NREP: variants seen among roughly 807,000 people sequenced by gnomAD.
NREP encodes the protein neuronal regeneration related protein, also known as neuronal regeneration-related protein.
Under a neutral mutation model 8.6 loss-of-function variants are expected in NREP, and 5 were observed. The observed-to-expected ratio is 0.58, with a 90% CI of 0.30 to 1.22. The LOEUF is 1.22. NREP is among the 50% of genes most tolerant of loss of function. NREP has a pLI of 0.07. For missense variants in NREP, 86 were observed against 82.5 expected (o/e 1.04, Z -0.17); for synonymous variants, 27 against 28.0 (o/e 0.96, Z 0.11).
chr5:111,818,936 C>T (rs1752454281), intron 2 of NREP, among the ~76,000 whole-genome samples: 1 of 152,038 alleles, frequency 6.6e-6, no homozygotes, highest in African/African-American at 2.4e-5. Flanking sequence ...TAAAACAATA[C>T]CATTTATTAT....
chr5:111,834,305 A>C (rs1315997328), intron 2 of NREP, among the ~76,000 whole-genome samples: 1 of 152,238 alleles, frequency 6.6e-6, no homozygotes, highest in Non-Finnish European at 1.5e-5. Flanking sequence ...ACCCTATGGC[A>C]ACTAGGGAGA....
intron 1 of NREP, chr5:111,756,312 A>AAAAACC: frequency 1.0e-5 from 1 of 99,468 alleles, no homozygotes; most frequent in Non-Finnish European, 1.6e-5. Flanking sequence ...AAAAAAAAAA[A>AAAAACC]CCCTACACGG....
intron 2 of NREP, among the ~76,000 whole-genome samples, chr5:111,737,655 C>A (rs1420542398): frequency 6.6e-6 from 1 of 151,262 alleles, no homozygotes; most frequent in Non-Finnish European, 1.5e-5. Flanking sequence ...AAATAGCTTG[C>A]CTTTCAGAAA....
intron 2 of NREP, among the ~76,000 whole-genome samples, chr5:111,746,502 G>C (rs111505359): frequency 9.0e-4 from 137 of 152,230 alleles, no homozygotes; most frequent in African/African-American, 3.2e-3. Flanking sequence ...GACTAAAATT[G>C]TGAAGATAAG....
intron 2 of NREP, among the ~76,000 whole-genome samples, chr5:111,937,439 C>T (rs974472536): frequency 4.6e-5 from 7 of 152,004 alleles, no homozygotes; most frequent in African/African-American, 1.2e-4. Flanking sequence ...AGATTATTCC[C>T]GTTGTATTTT....
chr5:111,849,152 A>G (rs1753250646), intron 2 of NREP, among the ~76,000 whole-genome samples: 1 of 152,198 alleles, frequency 6.6e-6, no homozygotes, highest in Non-Finnish European at 1.5e-5. Context: ...ACACACAGAT[A>G]TGAACAAAAC....
At chr5:111,786,557 A>C (rs761101326) in intron 2 of NREP, among the ~76,000 whole-genome samples, 5 of 152,206 alleles carry the variant, frequency 3.3e-5, no homozygotes, top group Admixed American at 6.5e-5. Flanking sequence ...TCCAAATATG[A>C]CCAAGCCTGT....
chr5:111,739,688 A>G (rs747087599), intron 2 of NREP: 5 of 151,978 alleles, frequency 3.3e-5, no homozygotes, highest in African/African-American at 1.2e-4. Flanking sequence ...TGTGTTTTTC[A>G]TGAAGGCCAA....
chr5:111,828,473 G>A (rs961209808), intron 2 of NREP, among the ~76,000 whole-genome samples: 6 of 152,080 alleles, frequency 3.9e-5, no homozygotes, highest in Non-Finnish European at 5.9e-5. Context: ...TAACCTATAT[G>A]TCTCTTTGGA....
intron 2 of NREP, among the ~76,000 whole-genome samples, chr5:111,745,371 T>C (rs1452894334): frequency 6.6e-6 from 1 of 152,192 alleles, no homozygotes; most frequent in Non-Finnish European, 1.5e-5. Flanking sequence ...CATTAAGACT[T>C]TGGATCTAAT....
intron 2 of NREP, among the ~76,000 whole-genome samples, chr5:111,897,783 T>G (rs1042893190): frequency 6.6e-5 from 10 of 152,250 alleles, no homozygotes; most frequent in African/African-American, 2.4e-4. Flanking sequence ...CTAACAAAAT[T>G]TTTTTACTAA....
chr5:111,796,143 T>C (rs1751868055), intron 2 of NREP, among the ~76,000 whole-genome samples: 1 of 152,160 alleles, frequency 6.6e-6, no homozygotes, highest in South Asian at 2.1e-4. Context: ...CTTCTAAAAG[T>C]CAACTGCATT....
rs559637049 is a variant in NREP, at chr5:111,777,403, T to G, written c.136-41896A>C. Among the ~76,000 whole-genome samples the G allele has an allele frequency of 9.2e-5, 14 of 151,948 alleles. No homozygotes were observed. In the South Asian group the frequency reaches 2.9e-3, roughly 32 times the overall value. Reference sequence around the variant, plus strand: ...TTTAAGTACGTATTTATTATGAGAATCTAACAGTAGTTGTCTCTGGAGAGG... The same window carrying G: ...TTTAAGTACGTATTTATTATGAGAAGCTAACAGTAGTTGTCTCTGGAGAGG... On this transcript the variant is annotated intron_variant, in intron 2 of 3. Coordinates refer to the NREP transcript ENST00000395634.
chr5:111,902,266 C>T (rs1754665472), intron 2 of NREP, among the ~76,000 whole-genome samples: 1 of 151,590 alleles, frequency 6.6e-6, no homozygotes, highest in East Asian at 1.9e-4. Context: ...GAAACTAGAC[C>T]CCTATCTCTC....
At chr5:111,741,372 A>G (rs1455014472) in intron 2 of NREP, among the ~76,000 whole-genome samples, 1 of 152,202 alleles carries the variant, frequency 6.6e-6, no homozygotes, top group Admixed American at 6.5e-5. Context: ...GCGCATATAC[A>G]TACACTTCCT....
At chr5:111,843,691 A>G (rs1753088040) in intron 2 of NREP, among the ~76,000 whole-genome samples, 1 of 152,150 alleles carries the variant, frequency 6.6e-6, no homozygotes, top group South Asian at 2.1e-4. Context: ...CAGTCTTTAC[A>G]GACTGGCTTT....
At chr5:111,757,275 TGGAGGAAGAGGAGGGA>T, upstream of NREP, 2 of 213,474 alleles carry the variant, frequency 9.4e-6, no homozygotes, top group Non-Finnish European at 1.3e-5. Context: ...GGGAAAGGGG[TGGAGGAAGAGGAGGGA>T]GGAGGGGGAA....
At chr5:111,906,915 CT>C (rs1754792254) in intron 2 of NREP, among the ~76,000 whole-genome samples, 1 of 151,734 alleles carries the variant, frequency 6.6e-6, no homozygotes, top group Non-Finnish European at 1.5e-5. Flanking sequence ...TTATTATTTT[CT>C]TTCCTTTTAC....
chr5:111,742,255 G>T (rs901896871), intron 2 of NREP, among the ~76,000 whole-genome samples: 1 of 152,132 alleles, frequency 6.6e-6, no homozygotes, highest in African/African-American at 2.4e-5. Context: ...GAGTTGGGGT[G>T]TCTGAAACAA....
Sources: gnomAD v4.1 joint callset for allele counts (sites outside exome capture counted in the v4.1 genomes callset) on GRCh38, gnomAD v4.1.1 for gene constraint, MANE v1.5 for transcripts, NCBI Gene and HGNC (gene_info 2026-07-23, HGNC 2026-07-21) for gene names.